MAMDC2: variants seen among roughly 807,000 people sequenced by gnomAD.
MAMDC2 encodes the protein MAM domain containing 2, also known as MAM domain-containing protein 2.
In MAMDC2, 57 loss-of-function variants were observed where a neutral mutation model predicts 89.8. That is an observed-to-expected ratio of 0.63 (90% CI 0.51 to 0.79). The LOEUF (loss-of-function observed/expected upper bound fraction) is 0.79, where lower values mean the gene tolerates loss of function less well. Ranked by LOEUF, MAMDC2 falls within the 30% of genes least tolerant of loss-of-function variation. MAMDC2 has a pLI of 0.00. For missense variants in MAMDC2, 800 were observed against 820.6 expected (o/e 0.97, Z 0.31); for synonymous variants, 313 against 293.4 (o/e 1.07, Z -0.68).
At chr9:70,054,795 T>C (rs1289777100) in intron 2 of MAMDC2, among the ~76,000 whole-genome samples, 2 of 152,172 alleles carry the variant, frequency 1.3e-5, no homozygotes, top group African/African-American at 4.8e-5. Context: ...ACTGAGTGGC[T>C]TGTGGGCACT....
chr9:70,176,282 C>A (rs1343973637), intron 11 of MAMDC2, among the ~76,000 whole-genome samples: 1 of 152,194 alleles, frequency 6.6e-6, no homozygotes, highest in Non-Finnish European at 1.5e-5. Context: ...GCTCCTAATT[C>A]TACTCCTGTA....
intron 7 of MAMDC2, among the ~76,000 whole-genome samples, chr9:70,138,285 T>C (rs550761877): frequency 1.3e-5 from 2 of 152,236 alleles, no homozygotes; most frequent in Non-Finnish European, 2.9e-5. Context: ...GTACATATGA[T>C]ACTTTCTTTA....
chr9:70,206,051 G>GGTAA (rs2033217915), intron 11 of MAMDC2, among the ~76,000 whole-genome samples: 1 of 152,142 alleles, frequency 6.6e-6, no homozygotes, highest in Non-Finnish European at 1.5e-5. Context: ...CTGATTCATT[G>GGTAA]GTAAGTTTGT....
intron 2 of MAMDC2, among the ~76,000 whole-genome samples, chr9:70,098,240 T>G (rs1828077032): frequency 6.6e-6 from 1 of 152,222 alleles, no homozygotes; most frequent in Non-Finnish European, 1.5e-5. Context: ...CAGGTGGCTC[T>G]GTAACCCTTT....
intron 11 of MAMDC2, among the ~76,000 whole-genome samples, chr9:70,176,287 C>T (rs900509870): frequency 2.6e-5 from 4 of 152,180 alleles, no homozygotes; most frequent in African/African-American, 7.2e-5. Context: ...TAATTCTACT[C>T]CTGTATTTAC....
At chr9:70,129,812 G>A (rs183554704) in intron 6 of MAMDC2, among the ~76,000 whole-genome samples, 195 of 152,200 alleles carry the variant, frequency 1.3e-3, no homozygotes, top group African/African-American at 3.4e-3. Context: ...AAAACAGGTC[G>A]CTTAAGAAAC....
In MAMDC2 at chr9:70,126,359, G is replaced by A; in HGVS notation, c.844G>A (p.Gly282Arg). 6.2e-7 allele frequency: 1 copy of A among 1,614,094 alleles called. No individual in the cohort carries two copies. The change falls in exon 6 of 14, where the codon GGG becomes AGG. Residue 282 changes from glycine (G) to arginine (R), a missense_variant. By Grantham distance (125) the Gly-to-Arg change is moderately radical (BLOSUM62 -2). Transcript: ENST00000377182. ...YEEIWKADRP[G>R]NAAWNLAEVE... ...GGAAATCTGGAAAGCAGACAGGCCA[G>A]GGAATGCTGCCTGGAACCTTGCGGA...
intron 7 of MAMDC2, among the ~76,000 whole-genome samples, chr9:70,133,477 G>A (rs1422933127): frequency 2.0e-5 from 3 of 152,192 alleles, no homozygotes; most frequent in East Asian, 1.9e-4. Context: ...AGGAACTTCC[G>A]CAGATATGAG....
chr9:70,185,037 A>C (rs2032721862), intron 11 of MAMDC2, among the ~76,000 whole-genome samples: 1 of 152,140 alleles, frequency 6.6e-6, no homozygotes, highest in African/African-American at 2.4e-5. Flanking sequence ...TGATATTTGA[A>C]GTTGATGACT....
At chr9:70,213,765 T>C (rs972300561) in intron 11 of MAMDC2, among the ~76,000 whole-genome samples, 2 of 152,230 alleles carry the variant, frequency 1.3e-5, no homozygotes, top group African/African-American at 4.8e-5. Context: ...GAAAGAATTA[T>C]GTGTTCATCT....
At chr9:70,190,892 T>C (rs2032863321) in intron 11 of MAMDC2, among the ~76,000 whole-genome samples, 1 of 152,182 alleles carries the variant, frequency 6.6e-6, no homozygotes, top group South Asian at 2.1e-4. Context: ...GGTTAAATAA[T>C]GCCAGTTCTC....
At chr9:70,140,065 A>G in intron 7 of MAMDC2, 80 bp from the exon 8 acceptor site, 2 of 1,398,004 alleles carry the variant, frequency 1.4e-6, no homozygotes, top group Non-Finnish European at 9.5e-7. Flanking sequence ...AAATGTGTAT[A>G]TATAAATATC....
At chr9:70,182,560 T>C (rs1282136784) in intron 11 of MAMDC2, among the ~76,000 whole-genome samples, 1 of 152,070 alleles carries the variant, frequency 6.6e-6, no homozygotes, top group Non-Finnish European at 1.5e-5. Context: ...TCAGGGATTC[T>C]ACTTCTTCCT....
chr9:70,064,333 C>T (rs1827215883), intron 2 of MAMDC2, among the ~76,000 whole-genome samples: 2 of 152,072 alleles, frequency 1.3e-5, no homozygotes, highest in Admixed American at 1.3e-4. Context: ...ACCTGAGTCC[C>T]CAAAGTCCAT....
chr9:70,194,255 A>T (rs2032935814), intron 11 of MAMDC2: 2 of 152,142 alleles, frequency 1.3e-5, no homozygotes, highest in Non-Finnish European at 2.9e-5. Flanking sequence ...GATAACAATC[A>T]GTGACCTGCT....
chr9:70,216,183 T>C (rs757630449), intron 11 of MAMDC2: 1 of 152,210 alleles, frequency 6.6e-6, no homozygotes, highest in African/African-American at 2.4e-5. Context: ...ACTTTTTACA[T>C]CATATATGTA....
In MAMDC2 at chr9:70,196,745, G is replaced by A. The variant is rs532468371; in HGVS notation, c.1652-21592G>A. Among the ~76,000 whole-genome samples, 7 of 152,174 alleles carry A rather than the reference G, an allele frequency of 4.6e-5. No individual in the cohort carries two copies. The East Asian group carries it at 1.4e-3, about 29-fold the overall frequency. On this transcript the variant is annotated intron_variant, in intron 11 of 13. Coordinates refer to ENST00000377182, the MANE Select transcript of MAMDC2 (RefSeq NM_153267.5). Reference sequence around the variant, plus strand: ...CATAAAAGTGCAAAGAAGGCACCAAGGCATAAAACATGGAACGACAGATGA... The same window carrying A: ...CATAAAAGTGCAAAGAAGGCACCAAAGCATAAAACATGGAACGACAGATGA...
At chr9:70,168,348 T>C (rs2032231385) in intron 9 of MAMDC2, among the ~76,000 whole-genome samples, 1 of 151,956 alleles carries the variant, frequency 6.6e-6, no homozygotes, top group Non-Finnish European at 1.5e-5. Context: ...AAAAATTATC[T>C]GGGCATGGTG....
rs150454886 is a variant in MAMDC2 at position 70,204,824 on chromosome 9, T to C, written c.1652-13513T>C. 3.9e-3 allele frequency among the ~76,000 whole-genome samples: 598 copies of C among 152,334 alleles called. 3 individuals carry two copies. The highest frequency in any genetic ancestry group is 0.013 in the African/African-American group (553 of 41,584). ...GGTGGGAGTGACCCGATTTTCCAGGTGTGTCCTTCACCCCTTTCTTTGACT... is the reference window on the plus strand; with the variant it reads ...GGTGGGAGTGACCCGATTTTCCAGGCGTGTCCTTCACCCCTTTCTTTGACT... On this transcript the variant is annotated intron_variant, in intron 11 of 13. Transcript: ENST00000377182.
Sources: allele counts gnomAD v4.1 joint callset (sites outside exome capture counted in the v4.1 genomes callset), GRCh38; gene constraint gnomAD v4.1.1; transcripts MANE v1.5; gene names NCBI Gene and HGNC (gene_info 2026-07-23, HGNC 2026-07-21).